PDE10A: variants seen among roughly 807,000 people sequenced by gnomAD.
PDE10A encodes phosphodiesterase 10A.
A neutral mutation model predicts 97.7 loss-of-function variants in PDE10A; 39 were observed. That is an observed-to-expected ratio of 0.40 (90% CI 0.31 to 0.52). The LOEUF is 0.52. Among genes scored for constraint, PDE10A ranks in the 20% least tolerant of loss-of-function variants. The probability of loss-of-function intolerance (pLI) is 0.56; values close to 1 mark genes in which losing one functional copy is unlikely to be tolerated. For synonymous variants in PDE10A, 371 were observed against 376.8 expected (o/e 0.98, Z 0.18); for missense variants, 731 against 1,047.8 (o/e 0.70, Z 4.17).
At chr6:165,555,997 C>T (rs1000348395) in intron 1 of PDE10A, among the ~76,000 whole-genome samples, 3 of 151,774 alleles carry the variant, frequency 2.0e-5, no homozygotes, top group African/African-American at 7.2e-5. Flanking sequence ...AAAAAACTTG[C>T]AGACGAACTG....
At position 165,662,057 on chromosome 6, in the gene PDE10A, C is replaced by G. The variant is rs1381107952; in HGVS notation, c.755G>C (p.Ser252Thr). ...CGCGGCCGCGGCGGCGAGGGCGAAG[C>G]TGGCGCCCTGGGGACGCCGCGGAGT... ...GQTPRRPQGASFALAAAAALL... is the reference protein window; with the variant it reads ...GQTPRRPQGATFALAAAAALL... The change falls in exon 1 of 22, where the codon AGC becomes ACC. Residue 252 changes from serine (S) to threonine (T), a missense_variant. Physicochemically the swap from Ser to Thr is moderately conservative, Grantham distance 58. Around this residue, in one of 8 missense-constraint regions of PDE10A, gnomAD observed 181 missense variants for 159.1 expected, o/e 1.14. Transcript: ENST00000539869. The G allele has an allele frequency of 1.4e-6, 2 of 1,445,174 alleles. No homozygotes were observed. Among genetic ancestry groups the G allele is most frequent in the African/African-American group, 3.0e-5 (2 of 67,324 alleles). 89.5% of individuals were successfully genotyped at this position (1,445,174 alleles called of 1,614,324 possible).
chr6:165,374,533 T>C (rs139880145), intron 18 of PDE10A, among the ~76,000 whole-genome samples: 13 of 152,078 alleles, frequency 8.5e-5, no homozygotes, highest in African/African-American at 3.1e-4. Context: ...GTAAGAATAG[T>C]AAGTAATAAA....
At chr6:165,952,518 T>C (rs901453816) in intron 1 of PDE10A, among the ~76,000 whole-genome samples, 12 of 152,238 alleles carry the variant, frequency 7.9e-5, no homozygotes, top group Admixed American at 5.9e-4. Flanking sequence ...ATGCAGACTC[T>C]ATTAGTGTTG....
At position 165,652,691 on chromosome 6, in the gene PDE10A, TA is replaced by T. The variant is rs550836389; in HGVS notation, c.865+9255del. Among the ~76,000 whole-genome samples the T allele has an allele frequency of 4.1e-3, 623 of 152,214 alleles. 4 individuals carry two copies. Among genetic ancestry groups the T allele is most frequent in the Middle Eastern group, 0.01 (3 of 294 alleles). On this transcript the variant is annotated intron_variant, in intron 1 of 21. Coordinates refer to ENST00000539869, the MANE Select transcript of PDE10A (RefSeq NM_001385079.1). Reference sequence around the variant, plus strand: ...GTTAGTCTCTTTTTTTCCAACAGAGTAAACTGCTCTTTATGCAAAGCCGCTT... The same window carrying T: ...GTTAGTCTCTTTTTTTCCAACAGAGTAACTGCTCTTTATGCAAAGCCGCTT...
chr6:165,415,096 C>T (rs547165156), intron 12 of PDE10A, among the ~76,000 whole-genome samples: 4 of 152,278 alleles, frequency 2.6e-5, no homozygotes, highest in South Asian at 2.1e-4. Flanking sequence ...CAAATATTTT[C>T]TCCTAATCTG....
At position 165,615,874 on chromosome 6, in the gene PDE10A, G is replaced by T. The variant is rs183789140; in HGVS notation, c.865+46073C>A. Among the ~76,000 whole-genome samples the T allele has an allele frequency of 2.4e-4, 37 of 152,098 alleles. No homozygotes were observed. In the East Asian group the frequency reaches 5.0e-3, roughly 21 times the overall value. ...ATGATCTAACCTCATGTTCTGATTG[G>T]GTTTGCAGCATTGCAGGGGAATGCA... On this transcript the variant is annotated intron_variant, in intron 1 of 21. Coordinates refer to ENST00000539869, the MANE Select transcript of PDE10A (RefSeq NM_001385079.1).
At chr6:165,814,950 G>A (rs1357929292) in intron 1 of PDE10A, among the ~76,000 whole-genome samples, 1 of 152,080 alleles carries the variant, frequency 6.6e-6, no homozygotes, top group Non-Finnish European at 1.5e-5. Context: ...CCTGGCCCCA[G>A]AGAGATGAAT....
At chr6:165,717,696 G>C (rs538683770) in intron 1 of PDE10A, among the ~76,000 whole-genome samples, 11 of 152,282 alleles carry the variant, frequency 7.2e-5, no homozygotes, top group African/African-American at 2.6e-4. Flanking sequence ...TTAATCTCTT[G>C]AGGAATTGGC....
intron 1 of PDE10A, among the ~76,000 whole-genome samples, chr6:165,684,932 C>A (rs750814289): frequency 6.6e-6 from 1 of 152,136 alleles, no homozygotes; most frequent in Non-Finnish European, 1.5e-5. Flanking sequence ...AGTGAGACGT[C>A]GACTTGACTT....
At chr6:165,924,690 A>G (rs1452966404) in intron 1 of PDE10A, among the ~76,000 whole-genome samples, 1 of 152,218 alleles carries the variant, frequency 6.6e-6, no homozygotes, top group Non-Finnish European at 1.5e-5. Context: ...TTCCCCTGAA[A>G]CAAAAATCCT....
chr6:165,367,082 A>G (rs980804703), intron 18 of PDE10A, among the ~76,000 whole-genome samples: 1 of 152,164 alleles, frequency 6.6e-6, no homozygotes, highest in African/African-American at 2.4e-5. Flanking sequence ...TCTCTAAATA[A>G]TGTACAGATA....
Position 165,662,296 on chromosome 6 carries a change from G to A in PDE10A, c.516C>T (p.Pro172=). 1 of 164,152 alleles carries A rather than the reference G, an allele frequency of 6.1e-6. No homozygotes were observed. The highest frequency in any genetic ancestry group is 1.3e-5 in the Non-Finnish European group (1 of 78,590). The allele number at this position is 164,152 out of a possible 1,614,324, so 10.2% of individuals were successfully genotyped here. A position where few individuals can be genotyped will look rare whatever the true frequency, so the allele number is the denominator to read the frequency against. The change falls in exon 1 of 22, where the codon CCC becomes CCT. Residue 172 remains proline, a synonymous_variant. Transcript: ENST00000539869. ...GACTACTGCTGGTGGGGACGCTCAA[G>A]GGAGCTGCCTCTTGTCCTCCTCCTC... is the stretch of plus-strand genomic sequence containing the variant. ...GGGGGGQEAA[P]LSVPTSSSHR...
chr6:165,486,830 G>A (rs1215759373), intron 2 of PDE10A, among the ~76,000 whole-genome samples: 1 of 152,212 alleles, frequency 6.6e-6, no homozygotes, highest in Non-Finnish European at 1.5e-5. Context: ...CACTTCAGGG[G>A]AGAATGACAG....
exon 1 of PDE10A, chr6:165,987,941 T>C: frequency 2.7e-6 from 1 of 375,402 alleles, no homozygotes; most frequent in Non-Finnish European, 5.3e-6. Context: ...GACTCAGACC[T>C]CTCTCTTTAG....
intron 1 of PDE10A, among the ~76,000 whole-genome samples, chr6:165,566,364 A>G (rs1784779776): frequency 6.6e-6 from 1 of 152,232 alleles, no homozygotes; most frequent in Non-Finnish European, 1.5e-5. Flanking sequence ...TTCAAACAAC[A>G]GTGAGATACC....
chr6:165,370,987 CATAACGAAA>C (rs1408121343), intron 18 of PDE10A, among the ~76,000 whole-genome samples: 1 of 133,556 alleles, frequency 7.5e-6, no homozygotes, highest in Non-Finnish European at 1.6e-5. Flanking sequence ...CTACTGGGTA[CATAACGAAA>C]TGAAGGCAGA....
In PDE10A at chr6:165,815,227, T is replaced by C. The variant is rs147046063; in HGVS notation, c.-615+172302A>G. ...GCCAAATGAATCGATCAGTTGACAA[T>C]AGCCAAAAAATCCCACAACTCTTCC... On this transcript the variant is annotated intron_variant, in intron 1 of 19. Coordinates refer to the PDE10A transcript ENST00000366882. Among the ~76,000 whole-genome samples the C allele has an allele frequency of 1.7e-3, 259 of 152,268 alleles. 1 individual carries two copies. Among genetic ancestry groups the C allele is most frequent in the African/African-American group, 6.1e-3 (254 of 41,558 alleles).
chr6:165,743,991 G>T (rs971646252), intron 1 of PDE10A, among the ~76,000 whole-genome samples: 2 of 152,174 alleles, frequency 1.3e-5, no homozygotes, highest in African/African-American at 4.8e-5. Context: ...CTTAAGCGGA[G>T]AGTGACTGTG....
intron 1 of PDE10A, among the ~76,000 whole-genome samples, chr6:165,859,242 G>C (rs1780834360): frequency 6.6e-6 from 1 of 152,142 alleles, no homozygotes; most frequent in Non-Finnish European, 1.5e-5. Context: ...TATTTCCATG[G>C]GGCAGAGCAC....
Sources: allele counts gnomAD v4.1 joint callset (sites outside exome capture counted in the v4.1 genomes callset), GRCh38; gene constraint gnomAD v4.1.1; regional missense constraint gnomAD v4.1.1; transcripts MANE v1.5; gene names NCBI Gene and HGNC (gene_info 2026-07-23, HGNC 2026-07-21).